The following SGCD variants were observed in gnomAD, a reference collection of about 807,000 sequenced individuals.
SGCD encodes the protein delta-sarcoglycan.
SGCD carries 18 observed loss-of-function variants against 36.6 expected under a neutral mutation model. That is an observed-to-expected ratio of 0.49 (90% CI 0.34 to 0.73). The LOEUF (loss-of-function observed/expected upper bound fraction) is 0.73. SGCD is among the 30% of genes least tolerant of loss of function. The pLI is 0.01. For synonymous variants in SGCD, 133 were observed against 130.6 expected (o/e 1.02, Z -0.12); for missense variants, 387 against 346.7 (o/e 1.12, Z -0.92).
chr5:156,740,665 G>T (rs917079018), intron 7 of SGCD, among the ~76,000 whole-genome samples: 1 of 152,204 alleles, frequency 6.6e-6, no homozygotes, highest in African/African-American at 2.4e-5. Context: ...GTTCTCATCA[G>T]TGGAATGGCA....
chr5:155,877,640 T>A (rs1755794424), intron 1 of SGCD, among the ~76,000 whole-genome samples: 3 of 152,118 alleles, frequency 2.0e-5, no homozygotes, highest in Admixed American at 6.6e-5. Context: ...CTTCACTACA[T>A]TTTGTCCCAA....
the SGCD span, among the ~76,000 whole-genome samples, chr5:155,747,894 T>A: frequency 2.0e-5 from 3 of 152,160 alleles, no homozygotes; most frequent in Non-Finnish European, 4.4e-5. Context: ...TCCTAAAAAA[T>A]TTAATAGCCT....
At chr5:156,059,770 A>G (rs1166466703) in intron 1 of SGCD, among the ~76,000 whole-genome samples, 1 of 147,136 alleles carries the variant, frequency 6.8e-6, no homozygotes, top group Non-Finnish European at 1.5e-5. Context: ...TGCACATGCA[A>G]TAAATACAAG....
At chr5:156,084,741 T>C (rs1761053394) in intron 1 of SGCD, among the ~76,000 whole-genome samples, 1 of 152,234 alleles carries the variant, frequency 6.6e-6, no homozygotes, top group Admixed American at 6.5e-5. Flanking sequence ...TTAACAAGAC[T>C]GGTGATAGTT....
intron 3 of SGCD, among the ~76,000 whole-genome samples, chr5:156,377,773 G>C (rs1188855185): frequency 6.6e-6 from 1 of 152,080 alleles, no homozygotes; most frequent in Non-Finnish European, 1.5e-5. Flanking sequence ...CATTTTTTAA[G>C]TAAAATGGAT....
intron 3 of SGCD, among the ~76,000 whole-genome samples, chr5:156,158,984 A>G (rs1349300073): frequency 1.3e-5 from 2 of 151,596 alleles, no homozygotes; most frequent in South Asian, 2.1e-4. Flanking sequence ...CTTTGAAGGC[A>G]GAAGACTTAT....
chr5:156,536,529 C>T (rs963784619), intron 4 of SGCD, among the ~76,000 whole-genome samples: 1 of 152,172 alleles, frequency 6.6e-6, no homozygotes, highest in Non-Finnish European at 1.5e-5. Context: ...GGAATCACAA[C>T]TCATAACACA....
intron 6 of SGCD, among the ~76,000 whole-genome samples, chr5:156,601,155 C>T (rs1394535853): frequency 1.3e-5 from 2 of 151,958 alleles, no homozygotes; most frequent in African/African-American, 2.4e-5. Flanking sequence ...TTATGTAATC[C>T]CATATTTTTA....
At chr5:156,413,872 T>C (rs1188927161) in intron 3 of SGCD, among the ~76,000 whole-genome samples, 1 of 152,180 alleles carries the variant, frequency 6.6e-6, no homozygotes, top group Non-Finnish European at 1.5e-5. Context: ...GAGTAGCAAG[T>C]GTCTTCACAA....
At chr5:156,283,183 G>A (rs1043233608) in intron 3 of SGCD, among the ~76,000 whole-genome samples, 1 of 152,246 alleles carries the variant, frequency 6.6e-6, no homozygotes, top group East Asian at 1.9e-4. Context: ...GGATGGGCAG[G>A]GTTTCTCCAT....
chr5:156,585,482 A>T (rs1294509410), intron 4 of SGCD, among the ~76,000 whole-genome samples: 1 of 152,196 alleles, frequency 6.6e-6, no homozygotes, highest in African/African-American at 2.4e-5. Flanking sequence ...TTTCCAGGTG[A>T]TATTCAAAGT....
At chr5:155,741,964 C>T in the SGCD span, among the ~76,000 whole-genome samples, 8 of 152,088 alleles carry the variant, frequency 5.3e-5, no homozygotes, top group South Asian at 2.1e-4. Context: ...GAATTACAGG[C>T]GTGAGCCACT....
intron 3 of SGCD, among the ~76,000 whole-genome samples, chr5:156,287,239 A>G (rs191044431): frequency 4.6e-5 from 7 of 152,056 alleles, no homozygotes; most frequent in African/African-American, 1.7e-4. Flanking sequence ...ACAGAATCTC[A>G]TACTCCACTC....
At chr5:156,153,161 A>C (rs1370453562) in intron 3 of SGCD, among the ~76,000 whole-genome samples, 1 of 151,552 alleles carries the variant, frequency 6.6e-6, no homozygotes, top group Non-Finnish European at 1.5e-5. Context: ...ACACCTTTCT[A>C]TTCTATGAAC....
chr5:156,329,502 C>G, intron 1 of SGCD, 32 bp from the exon 2 acceptor site: 3 of 1,488,358 alleles, frequency 2.0e-6, no homozygotes, highest in East Asian at 2.3e-5. Flanking sequence ...GCTCTTCAGA[C>G]CTTATTTTTA....
intron 4 of SGCD, among the ~76,000 whole-genome samples, chr5:156,525,501 A>G (rs1407171113): frequency 6.6e-6 from 1 of 151,622 alleles, no homozygotes; most frequent in East Asian, 1.9e-4. Flanking sequence ...TAGTTTTCAA[A>G]TATGTTCTCA....
intron 1 of SGCD, among the ~76,000 whole-genome samples, chr5:155,959,441 T>C (rs1156737400): frequency 1.3e-5 from 2 of 152,102 alleles, no homozygotes; most frequent in African/African-American, 4.8e-5. Context: ...TAGCATATAA[T>C]AGGGGGATCT....
chr5:155,858,369 T>C, the SGCD span, among the ~76,000 whole-genome samples: 1 of 152,218 alleles, frequency 6.6e-6, no homozygotes, highest in African/African-American at 2.4e-5. Flanking sequence ...ACCTATCAAA[T>C]TGTACTGATT....
At chr5:156,007,054 G>A (rs1306948514) in intron 1 of SGCD, among the ~76,000 whole-genome samples, 2 of 152,156 alleles carry the variant, frequency 1.3e-5, no homozygotes, top group Non-Finnish European at 2.9e-5. Flanking sequence ...GTGTTCATCA[G>A]TAGCCTCTAT....
Sources: gnomAD v4.1 joint callset for allele counts (sites outside exome capture counted in the v4.1 genomes callset) on GRCh38, gnomAD v4.1.1 for gene constraint, MANE v1.5 for transcripts, NCBI Gene and HGNC (gene_info 2026-07-23, HGNC 2026-07-21) for gene names.